RCOR1: variants seen among roughly 807,000 people sequenced by gnomAD.
RCOR1 encodes the protein REST corepressor.
A neutral mutation model predicts 64.0 loss-of-function variants in RCOR1; 12 were observed. That is an observed-to-expected ratio of 0.19 (90% confidence interval 0.12 to 0.30). RCOR1 has a LOEUF of 0.30. Ranked by LOEUF, RCOR1 falls within the 10% of genes least tolerant of loss-of-function variation. The pLI is 1.00. For missense variants in RCOR1, 502 were observed against 621.2 expected (o/e 0.81, Z 2.04); for synonymous variants, 279 against 227.2 (o/e 1.23, Z -2.05).
intron 4 of RCOR1, among the ~76,000 whole-genome samples, chr14:102,706,114 C>CAAAGAAAAAAAA (rs1895849183): frequency 4.7e-5 from 1 of 21,330 alleles, no homozygotes; most frequent in Non-Finnish European, 7.5e-5. Flanking sequence ...AACCCTGTCT[C>CAAAGAAAAAAAA]AAAAAAAAAA....
At chr14:102,651,025 C>T (rs1011497452) in intron 2 of RCOR1, 1 of 965,694 alleles carries the variant, frequency 1.0e-6, no homozygotes, top group African/African-American at 1.8e-5. Context: ...ATTTAAAACA[C>T]TAACTCCTAA....
At chr14:102,663,007 C>G (rs1158888484) in intron 2 of RCOR1, among the ~76,000 whole-genome samples, 2 of 152,174 alleles carry the variant, frequency 1.3e-5, no homozygotes, top group Non-Finnish European at 2.9e-5. Flanking sequence ...CATCTTGTAG[C>G]TCCTATAACT....
intron 2 of RCOR1, among the ~76,000 whole-genome samples, chr14:102,677,984 C>T (rs1420588166): frequency 2.6e-5 from 4 of 151,266 alleles, no homozygotes; most frequent in African/African-American, 7.3e-5. Flanking sequence ...GGATCACTCG[C>T]GGTTAGGAGC....
chr14:102,634,652 GTA>G (rs747698453), intron 2 of RCOR1, among the ~76,000 whole-genome samples: 373 of 144,282 alleles, frequency 2.6e-3, no homozygotes, highest in African/African-American at 3.9e-3. Flanking sequence ...ATATATATAT[GTA>G]TATATATATA....
At chr14:102,636,217 C>T (rs532980651) in intron 2 of RCOR1, among the ~76,000 whole-genome samples, 12 of 151,880 alleles carry the variant, frequency 7.9e-5, no homozygotes, top group Non-Finnish European at 1.6e-4. Context: ...TGATGATAGG[C>T]GTGAGCAACC....
intron 2 of RCOR1, among the ~76,000 whole-genome samples, chr14:102,606,803 T>C (rs1048256463): frequency 6.6e-6 from 1 of 151,714 alleles, no homozygotes; most frequent in African/African-American, 2.4e-5. Context: ...ACCTGGCTGT[T>C]AAGTATTATC....
chr14:102,710,472 G>A (rs956778793), intron 6 of RCOR1, among the ~76,000 whole-genome samples: 1 of 152,110 alleles, frequency 6.6e-6, no homozygotes, highest in African/African-American at 2.4e-5. Context: ...TGTGGCCTTG[G>A]GTAGAAAGAC....
intron 2 of RCOR1, among the ~76,000 whole-genome samples, chr14:102,629,052 T>TG (rs780834463): frequency 2.0e-5 from 3 of 152,236 alleles, no homozygotes; most frequent in Non-Finnish European, 4.4e-5. Flanking sequence ...CGCCACCACA[T>TG]GCCTGGCTCA....
intron 8 of RCOR1, among the ~76,000 whole-genome samples, chr14:102,718,788 G>A (rs1896119132): frequency 6.6e-6 from 1 of 151,972 alleles, no homozygotes; most frequent in Admixed American, 6.6e-5. Context: ...GGGGGGAAGG[G>A]GGCGTATTTT....
chr14:102,601,570 A>C (rs904438851), intron 2 of RCOR1, among the ~76,000 whole-genome samples: 8 of 152,172 alleles, frequency 5.3e-5, no homozygotes, highest in African/African-American at 1.7e-4. Flanking sequence ...GAAAGAAGAG[A>C]GGGAAGGAAT....
chr14:102,603,530 T>C (rs1187450668), intron 2 of RCOR1, among the ~76,000 whole-genome samples: 1 of 152,122 alleles, frequency 6.6e-6, no homozygotes, highest in Non-Finnish European at 1.5e-5. Context: ...TCAGGTTTTG[T>C]TGGTCTTAAC....
chr14:102,702,622 G>C (rs544478951), intron 4 of RCOR1, among the ~76,000 whole-genome samples: 1 of 152,254 alleles, frequency 6.6e-6, no homozygotes, highest in South Asian at 2.1e-4. Context: ...CTGGTTCTGT[G>C]ACCAGAGGCA....
At position 102,624,966 on chromosome 14, in the gene RCOR1, C is replaced by T. The variant is rs148409141; in HGVS notation, c.361+31641C>T. On this transcript the variant is annotated intron_variant, in intron 2 of 11. Transcript: ENST00000262241. ...GCTCAACTGCAGCCTTAATCCCCTG[C>T]GCTCAAGTAATCCTTAGCCTCCCAA... Among the ~76,000 whole-genome samples, 20 of 152,058 alleles carry T rather than the reference C, an allele frequency of 1.3e-4. No homozygotes were observed. In the East Asian group the frequency reaches 1.9e-3, roughly 15 times the overall value.
intron 2 of RCOR1, among the ~76,000 whole-genome samples, chr14:102,639,662 T>C (rs139658749): frequency 0.015 from 2,216 of 149,768 alleles, 35 homozygotes; most frequent in Non-Finnish European, 0.021. Context: ...GCCTCCCTAG[T>C]AGCTGGGATT....
intron 3 of RCOR1, among the ~76,000 whole-genome samples, chr14:102,697,967 TG>T (rs1361560353): frequency 6.6e-6 from 1 of 152,166 alleles, no homozygotes; most frequent in Non-Finnish European, 1.5e-5. Context: ...GTGATCCTCT[TG>T]CCTCAGCCTC....
At position 102,721,012 on chromosome 14, in the gene RCOR1, G is replaced by T; in HGVS notation, c.1059G>T (p.Gln353His). 6.7e-7 allele frequency: 1 copy of T among 1,492,994 alleles called. No individual in the cohort carries two copies. Among genetic ancestry groups the T allele is most frequent in the South Asian group, 1.3e-5 (1 of 77,896 alleles). The allele number at this position is 1,492,994 out of a possible 1,614,324, so 92.5% of individuals were successfully genotyped here. A position where few individuals can be genotyped will look rare whatever the true frequency, so the allele number is the denominator to read the frequency against. ...MELVSVKRQIQNIKQTNSALK... is the reference protein window; with the variant it reads ...MELVSVKRQIHNIKQTNSALK... ...AATTATTTTTTCCTTCCTAGATCCAGAATATTAAACAGACAAACAGTGCTC... is the reference window on the plus strand; with the variant it reads ...AATTATTTTTTCCTTCCTAGATCCATAATATTAAACAGACAAACAGTGCTC... Residue 353 changes from glutamine (Q) to histidine (H), a missense_variant, in exon 9 of 12, where the codon CAG (glutamine) becomes CAT (histidine). Coordinates refer to ENST00000262241, the MANE Select transcript of RCOR1 (RefSeq NM_015156.4).
At chr14:102,660,917 A>T (rs566307595) in intron 2 of RCOR1, among the ~76,000 whole-genome samples, 19 of 152,282 alleles carry the variant, frequency 1.2e-4, no homozygotes, top group Admixed American at 1.2e-3. Context: ...ATTGGTTCAG[A>T]TTAGTTTTTA....
At chr14:102,655,341 T>G in intron 2 of RCOR1, 1 of 985,310 alleles carries the variant, frequency 1.0e-6, no homozygotes, top group Non-Finnish European at 1.2e-6. Flanking sequence ...GTACTTTACT[T>G]TAGAATGGCA....
rs764246169 is a variant in RCOR1, at chr14:102,681,917, A to G, written c.384A>G (p.Gln128=). ...FDPAKLARRS[Q]ERDNLGMLVW... ...AAGCCAAACTGGCAAGACGCAGTCAAGAACGGGACAATCTTGGCATGTTGG... is the reference window on the plus strand; with the variant it reads ...AAGCCAAACTGGCAAGACGCAGTCAGGAACGGGACAATCTTGGCATGTTGG... Residue 128 remains glutamine (Q), a synonymous_variant, in exon 3 of 12, where the codon CAA becomes CAG. Transcript: ENST00000262241. The G allele has an allele frequency of 2.5e-6, 4 of 1,613,940 alleles. No individual in the cohort carries two copies. The Admixed American group carries it at 5.0e-5, about 20-fold the overall frequency.
Sources: allele counts gnomAD v4.1 joint callset (sites outside exome capture counted in the v4.1 genomes callset), GRCh38; gene constraint gnomAD v4.1.1; transcripts MANE v1.5; gene names NCBI Gene and HGNC (gene_info 2026-07-23, HGNC 2026-07-21).